The following GPC6 variants were observed in gnomAD, a reference collection of about 807,000 sequenced individuals.
GPC6 encodes the protein glypican 6, also known as glypican-6.
GPC6 carries 14 observed loss-of-function variants against 55.2 expected under a neutral mutation model. The ratio of observed to expected loss-of-function variants is 0.25; its 90% CI spans 0.17 to 0.40. The LOEUF is 0.40. Ranked by LOEUF, GPC6 falls within the 10% of genes least tolerant of loss-of-function variation. The probability of loss-of-function intolerance (pLI) is 1.00; values close to 1 mark genes in which losing one functional copy is unlikely to be tolerated. For synonymous variants in GPC6, 278 were observed against 259.6 expected (o/e 1.07, Z -0.68); for missense variants, 641 against 708.5 (o/e 0.90, Z 1.08).
intron 2 of GPC6, among the ~76,000 whole-genome samples, chr13:93,596,610 A>AATAAATATAT (rs896477759): frequency 3.8e-5 from 5 of 132,870 alleles, no homozygotes; most frequent in African/African-American, 1.2e-4. Flanking sequence ...TAAATAAATA[A>AATAAATATAT]ATATATATAT....
chr13:93,655,676 G>A (rs961880358), intron 2 of GPC6, among the ~76,000 whole-genome samples: 3 of 152,094 alleles, frequency 2.0e-5, no homozygotes, highest in Admixed American at 6.5e-5. Context: ...TTGGAGGAGG[G>A]GAGTGTGGAA....
intron 4 of GPC6, among the ~76,000 whole-genome samples, chr13:94,032,335 T>C (rs933222897): frequency 2.0e-5 from 3 of 152,188 alleles, no homozygotes; most frequent in Non-Finnish European, 4.4e-5. Flanking sequence ...TTTACTCAGC[T>C]GGGGGACTTA....
chr13:93,835,662 G>A (rs1334937212), intron 3 of GPC6, among the ~76,000 whole-genome samples: 1 of 152,152 alleles, frequency 6.6e-6, no homozygotes. Context: ...TGAAGCAGGA[G>A]AATCGCTTGA....
chr13:93,890,989 G>A (rs925988568), intron 3 of GPC6, among the ~76,000 whole-genome samples: 1 of 151,928 alleles, frequency 6.6e-6, no homozygotes, highest in Admixed American at 6.6e-5. Flanking sequence ...AGCGAGACAT[G>A]TCAAAAGATA....
intron 3 of GPC6, among the ~76,000 whole-genome samples, chr13:93,841,648 G>A (rs938427693): frequency 1.1e-4 from 16 of 152,110 alleles, no homozygotes; most frequent in South Asian, 4.1e-4. Context: ...AACTATAGCC[G>A]AAATCAGTAG....
intron 3 of GPC6, among the ~76,000 whole-genome samples, chr13:93,834,031 C>T (rs906543237): frequency 6.6e-6 from 1 of 152,106 alleles, no homozygotes; most frequent in Admixed American, 6.5e-5. Flanking sequence ...ATATCAGGAA[C>T]CTCCATGCAT....
At chr13:93,797,317 C>T (rs1025961538) in intron 2 of GPC6, among the ~76,000 whole-genome samples, 3 of 152,134 alleles carry the variant, frequency 2.0e-5, no homozygotes, top group Non-Finnish European at 2.9e-5. Context: ...GGCTCCTTTC[C>T]ACCATCTTCA....
chr13:93,462,518 C>T (rs1263647493), intron 1 of GPC6, among the ~76,000 whole-genome samples: 2 of 151,736 alleles, frequency 1.3e-5, no homozygotes, highest in South Asian at 2.1e-4. Flanking sequence ...GGTCATTCTT[C>T]CCCATGTTAA....
At chr13:93,707,395 T>A (rs1050972078) in intron 2 of GPC6, among the ~76,000 whole-genome samples, 2 of 151,834 alleles carry the variant, frequency 1.3e-5, no homozygotes, top group African/African-American at 4.8e-5. Context: ...ATGTTTTTTT[T>A]AATACAGCTT....
At chr13:94,185,757 G>A (rs1889159278) in intron 4 of GPC6, among the ~76,000 whole-genome samples, 2 of 152,094 alleles carry the variant, frequency 1.3e-5, no homozygotes, top group South Asian at 2.1e-4. Flanking sequence ...TGAAGATGAA[G>A]TATTCAACTG....
chr13:93,849,312 A>G (rs983638685), intron 3 of GPC6, among the ~76,000 whole-genome samples: 2 of 152,092 alleles, frequency 1.3e-5, no homozygotes, highest in Non-Finnish European at 2.9e-5. Context: ...GGTTTTGGAA[A>G]AGGATGTACT....
At chr13:93,746,287 C>A (rs779321103) in intron 2 of GPC6, among the ~76,000 whole-genome samples, 3 of 152,132 alleles carry the variant, frequency 2.0e-5, no homozygotes, top group Non-Finnish European at 4.4e-5. Flanking sequence ...AGGATAATTG[C>A]AGATGATAAA....
intron 3 of GPC6, among the ~76,000 whole-genome samples, chr13:93,924,203 G>A (rs1457385937): frequency 6.6e-6 from 1 of 152,168 alleles, no homozygotes; most frequent in Non-Finnish European, 1.5e-5. Context: ...TTGATATACA[G>A]TATGTATGGC....
At chr13:93,768,086 A>G (rs902166248) in intron 2 of GPC6, among the ~76,000 whole-genome samples, 3 of 152,116 alleles carry the variant, frequency 2.0e-5, no homozygotes, top group African/African-American at 7.2e-5. Context: ...GTGGAATTTT[A>G]TTATTGTAAT....
intron 1 of GPC6, among the ~76,000 whole-genome samples, chr13:93,432,686 A>T (rs994113891): frequency 6.6e-6 from 1 of 152,208 alleles, no homozygotes; most frequent in Non-Finnish European, 1.5e-5. Flanking sequence ...AGTAAGTAAA[A>T]ACAAAGCACA....
intron 1 of GPC6, among the ~76,000 whole-genome samples, chr13:93,343,453 G>A (rs564295972): frequency 6.6e-6 from 1 of 152,124 alleles, no homozygotes; most frequent in Non-Finnish European, 1.5e-5. Context: ...ATACTCACCA[G>A]TAACATTGTT....
At chr13:94,195,880 G>C (rs1201312051) in intron 4 of GPC6, among the ~76,000 whole-genome samples, 16 of 152,192 alleles carry the variant, frequency 1.1e-4, no homozygotes, top group Non-Finnish European at 1.6e-4. Flanking sequence ...AGACCAAGGG[G>C]AACCCACAGT....
At chr13:93,323,524 T>A (rs1879532172) in intron 1 of GPC6, among the ~76,000 whole-genome samples, 1 of 152,222 alleles carries the variant, frequency 6.6e-6, no homozygotes, top group African/African-American at 2.4e-5. Flanking sequence ...AGTTTTCACC[T>A]GTCTTCCAAG....
chr13:93,898,875 G>C (rs1342335427), intron 3 of GPC6, among the ~76,000 whole-genome samples: 3 of 150,220 alleles, frequency 2.0e-5, no homozygotes, highest in South Asian at 2.1e-4. Flanking sequence ...AGTTTCTGCA[G>C]TGAACACTAC....
Sources: allele counts gnomAD v4.1 joint callset (sites outside exome capture counted in the v4.1 genomes callset), GRCh38; gene constraint gnomAD v4.1.1; transcripts MANE v1.5; gene names NCBI Gene and HGNC (gene_info 2026-07-23, HGNC 2026-07-21).